The following NAALADL2 variants were observed in gnomAD, a reference collection of about 807,000 sequenced individuals.
The protein encoded by NAALADL2 is N-acetylated alpha-linked acidic dipeptidase like 2.
NAALADL2 carries 76 observed loss-of-function variants against 87.2 expected under a neutral mutation model. That is an observed-to-expected ratio of 0.87 (90% CI 0.72 to 1.05). NAALADL2 has a LOEUF of 1.05. NAALADL2 is among the 50% of genes least tolerant of loss of function. The pLI is 0.00. For missense variants in NAALADL2, 1,089 were observed against 945.8 expected, an observed-to-expected ratio of 1.15 and a Z score of -1.99; for synonymous variants, 354 against 331.0, an observed-to-expected ratio of 1.07 and a Z score of -0.75.
chr3:175,040,007 A>T (rs1238200605), intron 1 of NAALADL2, among the ~76,000 whole-genome samples: 1 of 152,138 alleles, frequency 6.6e-6, no homozygotes, highest in East Asian at 1.9e-4. Flanking sequence ...TACAAAAAAG[A>T]TATACACATG....
At chr3:175,106,988 A>G (rs1723273883) in intron 2 of NAALADL2, among the ~76,000 whole-genome samples, 1 of 152,048 alleles carries the variant, frequency 6.6e-6, no homozygotes, top group African/African-American at 2.4e-5. Flanking sequence ...CGAGAGAGAA[A>G]GTAAAGTTGC....
intron 9 of NAALADL2, among the ~76,000 whole-genome samples, chr3:175,502,120 AGTG>A (rs1729626780): frequency 6.6e-6 from 1 of 152,142 alleles, no homozygotes; most frequent in Admixed American, 6.6e-5. Flanking sequence ...GGGAGAATAA[AGTG>A]GTCATAAATT....
chr3:174,549,854 C>T (rs928702495), intron 1 of NAALADL2, among the ~76,000 whole-genome samples: 10 of 152,044 alleles, frequency 6.6e-5, no homozygotes, highest in Non-Finnish European at 1.5e-4. Flanking sequence ...TCAAACAGTT[C>T]CGGTGATGGG....
intron 1 of NAALADL2, among the ~76,000 whole-genome samples, chr3:174,958,198 T>A (rs997615696): frequency 2.0e-5 from 3 of 151,116 alleles, no homozygotes; most frequent in African/African-American, 7.3e-5. Flanking sequence ...TATCTTTGCC[T>A]AATCAATTTA....
chr3:175,755,394 A>G lies in NAALADL2; in HGVS notation c.2165A>G (p.Lys722Arg). 6.2e-7 allele frequency: 1 copy of G among 1,602,830 alleles called. No homozygotes were observed. The change falls in exon 13 of 14, where the codon AAG becomes AGG. Residue 722 changes from lysine to arginine, a missense_variant. By Grantham distance (26) the Lys-to-Arg change is conservative. Transcript: ENST00000454872. ...LQDMEKSFLV[K>R]QAPPGFYRNI... ...GACATGGAGAAAAGCTTTCTGGTAAAGCAGGCACCACCAGGTTTTTATAGG... is the reference window on the plus strand; with the variant it reads ...GACATGGAGAAAAGCTTTCTGGTAAGGCAGGCACCACCAGGTTTTTATAGG...
chr3:174,583,913 AC>A (rs1467135876), intron 2 of NAALADL2, among the ~76,000 whole-genome samples: 2 of 152,168 alleles, frequency 1.3e-5, no homozygotes, highest in African/African-American at 4.8e-5. Flanking sequence ...TCTGAGTCCC[AC>A]CTTCAAAATT....
intron 2 of NAALADL2, among the ~76,000 whole-genome samples, chr3:174,725,757 A>G (rs1299843033): frequency 2.0e-5 from 3 of 152,212 alleles, no homozygotes; most frequent in African/African-American, 7.2e-5. Flanking sequence ...GAAACATTTC[A>G]GAAATGTTCT....
At chr3:174,984,648 T>C (rs1470956157) in intron 1 of NAALADL2, among the ~76,000 whole-genome samples, 1 of 152,196 alleles carries the variant, frequency 6.6e-6, no homozygotes, top group Non-Finnish European at 1.5e-5. Flanking sequence ...GATATCAATT[T>C]TTTTTTCATG....
chr3:175,786,239 C>T (rs573116813), intron 13 of NAALADL2, among the ~76,000 whole-genome samples: 5,438 of 151,642 alleles, frequency 0.036, 336 homozygotes, highest in African/African-American at 0.13. Context: ...TGAATCTGAA[C>T]CTTGGCCTGC....
chr3:175,651,891 A>G (rs1730811343), intron 11 of NAALADL2, among the ~76,000 whole-genome samples: 1 of 152,250 alleles, frequency 6.6e-6, no homozygotes, highest in Admixed American at 6.5e-5. Flanking sequence ...AAAGCAGAGA[A>G]GCAAACGAAA....
intron 2 of NAALADL2, among the ~76,000 whole-genome samples, chr3:175,131,327 A>G (rs1223365693): frequency 6.6e-6 from 1 of 151,940 alleles, no homozygotes; most frequent in African/African-American, 2.4e-5. Context: ...GTCCCTGGAT[A>G]CTTGAGATTA....
rs188060246 is a variant in NAALADL2 at position 175,670,998 on chromosome 3, A to G, written c.1896+43612A>G. 1.6e-3 allele frequency among the ~76,000 whole-genome samples: 237 copies of G among 151,686 alleles called. 4 individuals carry two copies. Among genetic ancestry groups the G allele is most frequent in the African/African-American group, 5.3e-3 (219 of 41,344 alleles). Reference sequence around the variant, plus strand: ...CAACAAGTGACCTCAAGTTGTAAAAAAAAATAATAATAATAAGCAAAAAAG... The same window carrying G: ...CAACAAGTGACCTCAAGTTGTAAAAGAAAATAATAATAATAAGCAAAAAAG... On this transcript the variant is annotated intron_variant, in intron 11 of 13. Coordinates refer to ENST00000454872, the MANE Select transcript of NAALADL2 (RefSeq NM_207015.3).
intron 9 of NAALADL2, among the ~76,000 whole-genome samples, chr3:175,516,650 A>G (rs1399356607): frequency 6.6e-6 from 1 of 152,218 alleles, no homozygotes; most frequent in Admixed American, 6.5e-5. Context: ...CGTGAGGAGT[A>G]TCTTTATATT....
At chr3:175,317,054 G>A (rs1371482247) in intron 4 of NAALADL2, among the ~76,000 whole-genome samples, 1 of 152,046 alleles carries the variant, frequency 6.6e-6, no homozygotes, top group Non-Finnish European at 1.5e-5. Flanking sequence ...ATCCCTTCAG[G>A]GCTGTGGGTG....
chr3:175,294,362 GA>G (rs58182588), intron 4 of NAALADL2, among the ~76,000 whole-genome samples: 39 of 148,446 alleles, frequency 2.6e-4, no homozygotes, highest in South Asian at 6.4e-4. Flanking sequence ...ACTGTGTATA[GA>G]AAAAAAAAAG....
At chr3:174,532,958 T>C (rs999220144) in intron 1 of NAALADL2, among the ~76,000 whole-genome samples, 1 of 151,748 alleles carries the variant, frequency 6.6e-6, no homozygotes. Context: ...TTTTTGCCTT[T>C]GTTAGATGCC....
chr3:175,426,135 G>A (rs1446941399), intron 5 of NAALADL2, among the ~76,000 whole-genome samples: 14 of 152,214 alleles, frequency 9.2e-5, no homozygotes, highest in Admixed American at 5.9e-4. Context: ...AGGCCAAGGC[G>A]GGCGGATCAC....
Position 175,514,413 on chromosome 3 carries a change from C to T in NAALADL2, c.1653+42655C>T, listed in dbSNP as rs9855492. On this transcript the variant is annotated intron_variant, in intron 9 of 13. Coordinates refer to ENST00000454872, the MANE Select transcript of NAALADL2 (RefSeq NM_207015.3). ...TCTGAAAATATGAGGGTTTTCATCA[C>T]ATTTTTCATTGTTTTTATCTTCTTT... Among the ~76,000 whole-genome samples, 936 of 152,218 alleles carry T rather than the reference C, an allele frequency of 6.1e-3. 11 individuals carry two copies. The highest frequency in any genetic ancestry group is 0.022 in the African/African-American group (906 of 41,526).
chr3:174,805,095 C>G (rs1443466625), intron 3 of NAALADL2, among the ~76,000 whole-genome samples: 1 of 152,098 alleles, frequency 6.6e-6, no homozygotes, highest in Non-Finnish European at 1.5e-5. Context: ...TAGCATAGCA[C>G]TGGCTCATAT....
Sources: gnomAD v4.1 joint callset for allele counts (sites outside exome capture counted in the v4.1 genomes callset) on GRCh38, gnomAD v4.1.1 for gene constraint, MANE v1.5 for transcripts, NCBI Gene and HGNC (gene_info 2026-07-23, HGNC 2026-07-21) for gene names.